AUTS2: variants seen among roughly 807,000 people sequenced by gnomAD.
The protein encoded by AUTS2 is activator of transcription and developmental regulator AUTS2, also known as autism susceptibility gene 2 protein.
AUTS2 carries 17 observed loss-of-function variants against 112.4 expected under a neutral mutation model. The observed-to-expected ratio is 0.15, with a 90% confidence interval of 0.10 to 0.23. AUTS2 has a LOEUF of 0.23. Ranked by LOEUF, AUTS2 falls within the 10% of genes least tolerant of loss-of-function variation. AUTS2 has a pLI of 1.00. For synonymous variants in AUTS2, 751 were observed against 702.7 expected (o/e 1.07, Z -1.09); for missense variants, 1,510 against 1,701.6 (o/e 0.89, Z 1.98).
intron 5 of AUTS2, among the ~76,000 whole-genome samples, chr7:70,475,409 C>A (rs531655339): frequency 6.6e-6 from 1 of 152,188 alleles, no homozygotes; most frequent in Non-Finnish European, 1.5e-5. Flanking sequence ...CACCTTTCCC[C>A]CCTCATACTG....
chr7:70,015,399 A>G (rs1799981571), intron 2 of AUTS2, among the ~76,000 whole-genome samples: 1 of 152,254 alleles, frequency 6.6e-6, no homozygotes, highest in African/African-American at 2.4e-5. Context: ...TTGAGGTTAA[A>G]TAATTGCACA....
intron 5 of AUTS2, among the ~76,000 whole-genome samples, chr7:70,607,577 G>A (rs192788759): frequency 1.6e-4 from 25 of 152,286 alleles, no homozygotes; most frequent in East Asian, 3.9e-4. Flanking sequence ...CTGTGAGCAC[G>A]ATTACCAGAT....
intron 4 of AUTS2, among the ~76,000 whole-genome samples, chr7:70,400,501 G>T (rs1729133909): frequency 6.6e-6 from 1 of 152,180 alleles, no homozygotes; most frequent in Non-Finnish European, 1.5e-5. Flanking sequence ...AGGTTAGGTG[G>T]CAAGGAAGGA....
chr7:70,745,018 T>G (rs1196979181), intron 6 of AUTS2, among the ~76,000 whole-genome samples: 1 of 144,716 alleles, frequency 6.9e-6, no homozygotes, highest in Non-Finnish European at 1.5e-5. Context: ...GATTTCAGTA[T>G]TATATTAATA....
Position 70,766,185 on chromosome 7 carries a change from C to T in AUTS2, c.1540C>T (p.Leu514=). Residue 514 remains leucine, a synonymous_variant, in exon 9 of 19, where the codon CTG becomes TTG. Transcript: ENST00000342771. This position sits in a 1 kb window ranked among gnomAD's most constrained non-coding sequence, Gnocchi z 4.8. ...ASQSADRGAS[L]GPPPYLRTEF... ...TCAGAGTGCTGACCGCGGGGCTTCC[C>T]TGGGCCCTCCGCCCTACCTGCGGAC... 3 of 1,614,204 alleles carry T rather than the reference C, an allele frequency of 1.9e-6. No homozygotes were observed. Among genetic ancestry groups the T allele is most frequent in the Non-Finnish European group, 2.5e-6 (3 of 1,180,042 alleles).
chr7:70,598,487 T>C (rs1294128502), intron 5 of AUTS2, among the ~76,000 whole-genome samples: 1 of 152,210 alleles, frequency 6.6e-6, no homozygotes, highest in Non-Finnish European at 1.5e-5. Flanking sequence ...TTTCCTAACT[T>C]TTCCTAAGAG....
intron 1 of AUTS2, among the ~76,000 whole-genome samples, chr7:69,840,425 A>G (rs1036837680): frequency 6.6e-6 from 1 of 152,220 alleles, no homozygotes; most frequent in African/African-American, 2.4e-5. Context: ...ATACTTGTTA[A>G]GTGTTCCACT....
At chr7:70,386,386 G>A (rs953034518) in intron 4 of AUTS2, among the ~76,000 whole-genome samples, 2 of 152,174 alleles carry the variant, frequency 1.3e-5, no homozygotes, top group African/African-American at 4.8e-5. Flanking sequence ...ATTCACTTAT[G>A]AAGTTCATCC....
chr7:70,623,431 T>C (rs550738067), intron 5 of AUTS2, among the ~76,000 whole-genome samples: 1 of 152,286 alleles, frequency 6.6e-6, no homozygotes, highest in African/African-American at 2.4e-5. Context: ...CTGTGTCCAA[T>C]ACAGTAGCCA....
At chr7:70,488,399 T>C (rs1209116151) in intron 5 of AUTS2, among the ~76,000 whole-genome samples, 2 of 152,122 alleles carry the variant, frequency 1.3e-5, no homozygotes, top group East Asian at 3.9e-4. Context: ...TGGTGAAGGG[T>C]AATCCCCCCA....
intron 4 of AUTS2, among the ~76,000 whole-genome samples, chr7:70,191,161 CTTTTTTTTT>C (rs34637651): frequency 2.3e-5 from 2 of 86,426 alleles, no homozygotes; most frequent in African/African-American, 9.4e-5. Flanking sequence ...CCACTTATTT[CTTTTTTTTT>C]TTTTTTTTTT....
intron 1 of AUTS2, chr7:69,825,650 A>G (rs1656502607): frequency 6.6e-6 from 1 of 151,658 alleles, no homozygotes; most frequent in South Asian, 2.1e-4. Flanking sequence ...CCTCCACTTC[A>G]CTTCTTTTGG....
At chr7:70,721,972 A>G (rs559526648) in intron 6 of AUTS2, among the ~76,000 whole-genome samples, 271 of 152,248 alleles carry the variant, frequency 1.8e-3, no homozygotes, top group African/African-American at 6.1e-3. Context: ...GTTATCTAGG[A>G]TATAATTCAT....
chr7:70,486,615 C>G (rs937289008), intron 5 of AUTS2, among the ~76,000 whole-genome samples: 1 of 151,948 alleles, frequency 6.6e-6, no homozygotes, highest in African/African-American at 2.4e-5. Context: ...AAAAATTAGC[C>G]GGGCATGGTG....
At chr7:70,488,069 G>A (rs1247599483) in intron 5 of AUTS2, among the ~76,000 whole-genome samples, 1 of 152,198 alleles carries the variant, frequency 6.6e-6, no homozygotes. Context: ...CGCCCTTCGA[G>A]GGGCTTCTGG....
At chr7:69,857,166 C>G (rs928351803) in intron 1 of AUTS2, among the ~76,000 whole-genome samples, 1 of 152,188 alleles carries the variant, frequency 6.6e-6, no homozygotes, top group Non-Finnish European at 1.5e-5. Context: ...CACACATACA[C>G]TTAGAGGGCT....
chr7:69,626,294 C>G (rs751565669), intron 1 of AUTS2, among the ~76,000 whole-genome samples: 1 of 152,112 alleles, frequency 6.6e-6, no homozygotes, highest in Non-Finnish European at 1.5e-5. Context: ...ACCAGCTGTT[C>G]ACTGTATTCT....
At chr7:69,723,624 T>C (rs912158129) in intron 1 of AUTS2, among the ~76,000 whole-genome samples, 1 of 152,204 alleles carries the variant, frequency 6.6e-6, no homozygotes, top group Non-Finnish European at 1.5e-5. Context: ...ATTCTCTGAC[T>C]GTTAGCTGTT....
intron 1 of AUTS2, among the ~76,000 whole-genome samples, chr7:69,723,513 A>T (rs1246301105): frequency 2.6e-5 from 4 of 152,154 alleles, no homozygotes; most frequent in African/African-American, 9.7e-5. Context: ...TTGTTAGATG[A>T]TGATAATTAC....
Sources: gnomAD v4.1 joint callset for allele counts (sites outside exome capture counted in the v4.1 genomes callset) on GRCh38, gnomAD v4.1.1 for gene constraint, Gnocchi (gnomAD v3.1) non-coding constraint, MANE v1.5 for transcripts, NCBI Gene and HGNC (gene_info 2026-07-23, HGNC 2026-07-21) for gene names.